SLCO2A1: variants seen among roughly 807,000 people sequenced by gnomAD.
SLCO2A1 encodes the protein solute carrier organic anion transporter family member 2A1.
A neutral mutation model predicts 71.7 loss-of-function variants in SLCO2A1; 60 were observed. The observed-to-expected ratio is 0.84, with a 90% CI of 0.68 to 1.04. SLCO2A1 has a LOEUF of 1.04. SLCO2A1 is among the 50% of genes least tolerant of loss of function. The pLI is 0.00. For missense variants in SLCO2A1, 745 were observed against 813.4 expected (o/e 0.92, Z 1.02); for synonymous variants, 308 against 326.7 (o/e 0.94, Z 0.62).
intron 1 of SLCO2A1, among the ~76,000 whole-genome samples, chr3:134,021,472 C>T (rs889433571): frequency 6.6e-6 from 1 of 152,100 alleles, no homozygotes; most frequent in African/African-American, 2.4e-5. Context: ...TGTACATAGA[C>T]ACTTGGTTAC....
intron 1 of SLCO2A1, among the ~76,000 whole-genome samples, chr3:133,982,457 C>T (rs1284276008): frequency 1.3e-5 from 2 of 152,174 alleles, no homozygotes; most frequent in South Asian, 2.1e-4. Context: ...GTCTGCTAGA[C>T]GTATCCACCT....
intron 6 of SLCO2A1, among the ~76,000 whole-genome samples, chr3:133,950,503 G>A (rs1398892052): frequency 6.6e-6 from 1 of 151,846 alleles, no homozygotes; most frequent in Non-Finnish European, 1.5e-5. Context: ...CCTGGTCTCT[G>A]CACTGGCCTC....
intron 3 of SLCO2A1, among the ~76,000 whole-genome samples, chr3:133,962,305 C>G (rs189914934): frequency 3.0e-4 from 46 of 152,268 alleles, no homozygotes; most frequent in African/African-American, 1.0e-3. Flanking sequence ...GTCTCGAACT[C>G]CTGACCTCAG....
chr3:133,952,618 G>C (rs999018196), intron 5 of SLCO2A1, among the ~76,000 whole-genome samples: 1 of 152,230 alleles, frequency 6.6e-6, no homozygotes, highest in Non-Finnish European at 1.5e-5. Flanking sequence ...TCCTGGGGCT[G>C]GCTCCCTGAA....
At chr3:133,967,229 C>T (rs1417292806) in intron 3 of SLCO2A1, among the ~76,000 whole-genome samples, 1 of 152,230 alleles carries the variant, frequency 6.6e-6, no homozygotes, top group African/African-American at 2.4e-5. Flanking sequence ...CTTAGGTCTC[C>T]ACCAGGCCTG....
At chr3:134,010,323 G>A (rs1223716943) in intron 1 of SLCO2A1, among the ~76,000 whole-genome samples, 1 of 152,140 alleles carries the variant, frequency 6.6e-6, no homozygotes, top group African/African-American at 2.4e-5. Context: ...CATGACTGGG[G>A]AGGCCTCAGG....
chr3:133,951,415 G>A (rs981588624), intron 5 of SLCO2A1, 71 bp from the exon 6 acceptor site: 1 of 1,564,310 alleles, frequency 6.4e-7, no homozygotes, highest in Non-Finnish European at 8.7e-7. Context: ...CAGAACCTCT[G>A]ATCAGGGGGA....
At chr3:133,952,238 C>T (rs756825437) in intron 5 of SLCO2A1, among the ~76,000 whole-genome samples, 4 of 152,200 alleles carry the variant, frequency 2.6e-5, no homozygotes, top group African/African-American at 4.8e-5. Flanking sequence ...TAAGACACCC[C>T]CTGGCTTTCT....
At chr3:134,010,628 C>T (rs1246529829) in intron 1 of SLCO2A1, among the ~76,000 whole-genome samples, 2 of 151,846 alleles carry the variant, frequency 1.3e-5, no homozygotes, top group African/African-American at 2.4e-5. Flanking sequence ...GTGGCACGCA[C>T]CTGTAATTCC....
chr3:133,938,605 C>A, intron 11 of SLCO2A1, 112 bp from the exon 12 acceptor site: 1 of 948,702 alleles, frequency 1.1e-6, no homozygotes, highest in Non-Finnish European at 1.7e-6. Flanking sequence ...TGTGGCCTGA[C>A]GAGCCCTCTG....
At chr3:133,940,489 G>A (rs1933390709) in intron 11 of SLCO2A1, among the ~76,000 whole-genome samples, 1 of 152,196 alleles carries the variant, frequency 6.6e-6, no homozygotes, top group Non-Finnish European at 1.5e-5. Context: ...GGGTTTGACA[G>A]GAGTCCTCTG....
chr3:133,959,204 T>C (rs1933971369), intron 3 of SLCO2A1, among the ~76,000 whole-genome samples: 1 of 152,154 alleles, frequency 6.6e-6, no homozygotes, highest in Non-Finnish European at 1.5e-5. Flanking sequence ...AGTTATTTGG[T>C]TGATAGTGGC....
chr3:133,965,709 T>G (rs1438894613), intron 3 of SLCO2A1, among the ~76,000 whole-genome samples: 11 of 152,148 alleles, frequency 7.2e-5, no homozygotes. Flanking sequence ...ACCCTCAGAT[T>G]CAGATGTGAG....
intron 3 of SLCO2A1, among the ~76,000 whole-genome samples, chr3:133,959,607 T>C (rs1342100879): frequency 2.0e-5 from 3 of 152,092 alleles, no homozygotes; most frequent in Non-Finnish European, 4.4e-5. Flanking sequence ...GGCAGATTGC[T>C]TAAGCCCAGG....
At chr3:133,981,814 A>G (rs1449121232) in intron 1 of SLCO2A1, among the ~76,000 whole-genome samples, 1 of 152,132 alleles carries the variant, frequency 6.6e-6, no homozygotes, top group Non-Finnish European at 1.5e-5. Flanking sequence ...GTCTCTACTA[A>G]AAATACAAAA....
At chr3:134,013,086 A>G (rs969282281) in intron 1 of SLCO2A1, among the ~76,000 whole-genome samples, 2 of 152,232 alleles carry the variant, frequency 1.3e-5, no homozygotes, top group African/African-American at 4.8e-5. Flanking sequence ...GGAGCCAAGT[A>G]TAAACAGCAA....
At chr3:133,989,031 C>T (rs1934777261) in intron 1 of SLCO2A1, among the ~76,000 whole-genome samples, 1 of 152,204 alleles carries the variant, frequency 6.6e-6, no homozygotes, top group Non-Finnish European at 1.5e-5. Context: ...GCAACCCTCC[C>T]CCTTCCACCA....
intron 1 of SLCO2A1, among the ~76,000 whole-genome samples, chr3:134,024,844 C>T (rs565349150): frequency 1.3e-5 from 2 of 152,214 alleles, no homozygotes; most frequent in Admixed American, 1.3e-4. Flanking sequence ...CCCACATAAC[C>T]ATTGAAGTTT....
At chr3:133,952,759 T>G (rs561137659) in intron 5 of SLCO2A1, among the ~76,000 whole-genome samples, 1 of 152,290 alleles carries the variant, frequency 6.6e-6, no homozygotes, top group East Asian at 1.9e-4. Flanking sequence ...TAAAACAACT[T>G]TATTTTACTA....
Sources: allele counts gnomAD v4.1 joint callset (sites outside exome capture counted in the v4.1 genomes callset), GRCh38; gene constraint gnomAD v4.1.1; transcripts MANE v1.5; gene names NCBI Gene and HGNC (gene_info 2026-07-23, HGNC 2026-07-21).